Variants in IARS1 observed in about 807,000 individuals in gnomAD.
IARS1 encodes the protein isoleucyl-tRNA synthetase 1.
IARS1 carries 124 observed loss-of-function variants against 168.2 expected under a neutral mutation model. The ratio of observed to expected loss-of-function variants is 0.74; its 90% confidence interval spans 0.64 to 0.86. The LOEUF (loss-of-function observed/expected upper bound fraction) is 0.86, where lower values mean the gene tolerates loss of function less well. IARS1 is among the 40% of genes least tolerant of loss of function. The probability of loss-of-function intolerance (pLI) is 0.00; values close to 1 mark genes in which losing one functional copy is unlikely to be tolerated. For synonymous variants in IARS1, 532 were observed against 529.4 expected, an observed-to-expected ratio of 1.00 and a Z score of -0.07; for missense variants, 1,452 against 1,515.8, an observed-to-expected ratio of 0.96 and a Z score of 0.70.
At chr9:92,250,381 G>T in intron 23 of IARS1, 92 bp from the exon 24 acceptor site, 2 of 851,034 alleles carry the variant, frequency 2.4e-6, no homozygotes, top group Non-Finnish European at 3.9e-6. Flanking sequence ...AGAGGGTCAG[G>T]CTAGAGAAGT....
intron 9 of IARS1, among the ~76,000 whole-genome samples, chr9:92,275,733 A>G (rs1416249197): frequency 1.3e-5 from 2 of 152,196 alleles, no homozygotes; most frequent in Non-Finnish European, 2.9e-5. Flanking sequence ...AACCACCAGG[A>G]GCAGCAGTGC....
At chr9:92,288,705 G>C (rs1034896462) in intron 2 of IARS1, among the ~76,000 whole-genome samples, 2 of 152,056 alleles carry the variant, frequency 1.3e-5, no homozygotes, top group Non-Finnish European at 2.9e-5. Flanking sequence ...GGGGTACTTA[G>C]GTATAAGTGC....
chr9:92,250,131 C>T, intron 24 of IARS1, 56 bp downstream of exon 24: 3 of 1,187,992 alleles, frequency 2.5e-6, no homozygotes, highest in Middle Eastern at 1.9e-4. Flanking sequence ...AAAAGCATTC[C>T]AAACACTTAA....
At chr9:92,281,783 C>T (rs543910020) in intron 6 of IARS1, among the ~76,000 whole-genome samples, 15 of 151,996 alleles carry the variant, frequency 9.9e-5, no homozygotes, top group African/African-American at 2.9e-4. Flanking sequence ...TAAAGTGACA[C>T]GAGAGCCATT....
At chr9:92,249,786 C>T (rs41280223) in intron 25 of IARS1, 72 bp downstream of exon 25, 29,044 of 753,430 alleles carry the variant, frequency 0.039, 749 homozygotes, top group South Asian at 0.07. Context: ...TCAATATGTA[C>T]TTTGAGGATT....
At chr9:92,253,041 A>G (rs1487839950) in intron 21 of IARS1, among the ~76,000 whole-genome samples, 1 of 152,126 alleles carries the variant, frequency 6.6e-6, no homozygotes, top group Admixed American at 6.5e-5. Context: ...CAGTATTTTT[A>G]TAAAATATTT....
chr9:92,263,408 T>C (rs557864017), intron 16 of IARS1, among the ~76,000 whole-genome samples: 1 of 152,298 alleles, frequency 6.6e-6, no homozygotes, highest in South Asian at 2.1e-4. Flanking sequence ...CAAGATCATA[T>C]GGAAAAGACA....
chr9:92,248,901 C>T lies in IARS1; in HGVS notation c.2616+957G>A, dbSNP rs1276702842. ...CAAAGAAGATGAGGTAAAACATATG[C>T]GTTTTTAAAACATCATGGAATAAAG... On this transcript the variant is annotated intron_variant, in intron 25 of 33. Coordinates refer to ENST00000443024, the MANE Select transcript of IARS1 (RefSeq NM_002161.6). Among the ~76,000 whole-genome samples the T allele has an allele frequency of 3.9e-5, 6 of 152,046 alleles. No individual in the cohort carries two copies. The South Asian group carries it at 1.0e-3, about 26-fold the overall frequency.
chr9:92,286,663 T>C (rs760780131), intron 4 of IARS1, 45 bp from the exon 5 acceptor site: 9 of 1,046,578 alleles, frequency 8.6e-6, no homozygotes, highest in Non-Finnish European at 1.0e-5. Context: ...ATGATATTTA[T>C]AATTGTACAT....
chr9:92,265,359 G>C, intron 15 of IARS1, 121 bp downstream of exon 15: 1 of 957,668 alleles, frequency 1.0e-6, no homozygotes, highest in South Asian at 1.4e-5. Flanking sequence ...TATGACATGA[G>C]TCATCAGCAA....
At chr9:92,230,572 A>G (rs1381368586) in intron 30 of IARS1, among the ~76,000 whole-genome samples, 2 of 152,218 alleles carry the variant, frequency 1.3e-5, no homozygotes, top group Non-Finnish European at 2.9e-5. Flanking sequence ...TATTATGAAT[A>G]TAAGTACTAT....
intron 31 of IARS1, among the ~76,000 whole-genome samples, chr9:92,228,606 T>TG (rs2133465966): frequency 6.6e-6 from 1 of 152,192 alleles, no homozygotes; most frequent in African/African-American, 2.4e-5. Flanking sequence ...CCCAGTTACT[T>TG]GGGAGGTCAA....
intron 19 of IARS1, among the ~76,000 whole-genome samples, chr9:92,258,020 T>C (rs1830974249): frequency 6.6e-6 from 1 of 152,114 alleles, no homozygotes; most frequent in Admixed American, 6.5e-5. Flanking sequence ...TGAAGTACAC[T>C]TCCACATACA....
At chr9:92,272,558 T>C (rs1279245574) in intron 10 of IARS1, among the ~76,000 whole-genome samples, 1 of 152,110 alleles carries the variant, frequency 6.6e-6, no homozygotes, top group Non-Finnish European at 1.5e-5. Context: ...TCTCAGAAAA[T>C]GTTTACCAAG....
At chr9:92,230,890 C>T (rs917569042) in intron 30 of IARS1, among the ~76,000 whole-genome samples, 5 of 152,102 alleles carry the variant, frequency 3.3e-5, no homozygotes, top group Admixed American at 1.3e-4. Context: ...TTTGTATATT[C>T]CCTTTGGTAA....
intron 14 of IARS1, among the ~76,000 whole-genome samples, chr9:92,267,205 G>A (rs548485662): frequency 6.6e-6 from 1 of 152,224 alleles, no homozygotes; most frequent in Admixed American, 6.5e-5. Flanking sequence ...ATCTGACAAG[G>A]GCCACACCAG....
intron 17 of IARS1, among the ~76,000 whole-genome samples, 155 bp from the exon 18 acceptor site, chr9:92,260,389 C>T (rs1022110676): frequency 6.6e-6 from 1 of 152,154 alleles, no homozygotes; most frequent in African/African-American, 2.4e-5. Flanking sequence ...GGCGCGGTGG[C>T]TCACTCCTGT....
chr9:92,260,294 T>A, intron 17 of IARS1, 60 bp from the exon 18 acceptor site: 1 of 1,080,028 alleles, frequency 9.3e-7, no homozygotes, highest in Non-Finnish European at 1.4e-6. Flanking sequence ...GATCTTGTTT[T>A]AAGGATACAA....
At chr9:92,252,954 T>C (rs7024190) in intron 21 of IARS1, among the ~76,000 whole-genome samples, 61,329 of 151,494 alleles carry the variant, frequency 0.4, 14,676 homozygotes, top group African/African-American at 0.66. Flanking sequence ...TACAGAGGAG[T>C]TCTGTCCACA....
Sources: gnomAD v4.1 joint callset for allele counts (sites outside exome capture counted in the v4.1 genomes callset) on GRCh38, gnomAD v4.1.1 for gene constraint, MANE v1.5 for transcripts, NCBI Gene and HGNC (gene_info 2026-07-23, HGNC 2026-07-21) for gene names.